Variants in CHIC2 observed in about 807,000 individuals in gnomAD.
CHIC2 encodes the protein cysteine-rich hydrophobic domain-containing protein 2.
In CHIC2, 14 loss-of-function variants were observed where a neutral mutation model predicts 25.9. The observed-to-expected ratio is 0.54, with a 90% CI of 0.36 to 0.85. The LOEUF is 0.85. Ranked by LOEUF, CHIC2 falls within the 40% of genes least tolerant of loss-of-function variation. The probability of loss-of-function intolerance (pLI) is 0.01; values close to 1 mark genes in which losing one functional copy is unlikely to be tolerated. For synonymous variants in CHIC2, 70 were observed against 72.0 expected, an observed-to-expected ratio of 0.97 and a Z score of 0.14; for missense variants, 146 against 202.0, an observed-to-expected ratio of 0.72 and a Z score of 1.68.
rs893641582 is a variant in CHIC2, at chr4:54,062,589, C to T, written c.119+1593G>A. Among the ~76,000 whole-genome samples, 3 of 152,286 alleles carry T rather than the reference C, an allele frequency of 2.0e-5. No homozygotes were observed. The South Asian group carries it at 6.2e-4, about 32-fold the overall frequency. On this transcript the variant is annotated intron_variant, in intron 1 of 5. Coordinates refer to ENST00000263921, the MANE Select transcript of CHIC2 (RefSeq NM_012110.4). ...AGCACTTTGCCCACTATTGCATTTT[C>T]CACTTGCCCAACAAAGTGCTTAGCT...
intron 3 of CHIC2, among the ~76,000 whole-genome samples, chr4:54,042,686 G>C (rs1716615827): frequency 1.3e-5 from 2 of 151,750 alleles, no homozygotes; most frequent in South Asian, 2.1e-4. Context: ...CAAACTACAA[G>C]AGCGACAAAA....
At chr4:54,083,178 G>C in the CHIC2 span, among the ~76,000 whole-genome samples, 1 of 151,660 alleles carries the variant, frequency 6.6e-6, no homozygotes, top group Non-Finnish European at 1.5e-5. Context: ...ACCTCACCCA[G>C]CTAATTTTGT....
the CHIC2 span, among the ~76,000 whole-genome samples, chr4:54,085,697 T>C: frequency 6.6e-6 from 1 of 152,202 alleles, no homozygotes; most frequent in Non-Finnish European, 1.5e-5. Context: ...AGCTGTGATG[T>C]GAGCAGCTAA....
intron 3 of CHIC2, among the ~76,000 whole-genome samples, chr4:54,045,326 G>C (rs1044594908): frequency 3.1e-4 from 47 of 152,106 alleles, no homozygotes; most frequent in Non-Finnish European, 7.4e-5. Context: ...TGATACCAAA[G>C]CCGGGCAGAG....
At chr4:54,083,018 CTTTTTTTTT>C in the CHIC2 span, among the ~76,000 whole-genome samples, 4 of 67,916 alleles carry the variant, frequency 5.9e-5, no homozygotes, top group African/African-American at 1.9e-4. Flanking sequence ...TTCTTTCTTT[CTTTTTTTTT>C]TTTTTTTTTT....
rs200366473 is a variant in CHIC2, at chr4:54,032,643, AATTAC to A, written c.330+16307_330+16311del. ...AAAAATCCTGAAAATTTATATACCTAATTACAGAGTGCCAAAATACATACAGCATA... is the reference window on the plus strand; with the variant it reads ...AAAAATCCTGAAAATTTATATACCTAAGAGTGCCAAAATACATACAGCATA... On this transcript the variant is annotated intron_variant, in intron 3 of 5. Transcript: ENST00000263921. Among the ~76,000 whole-genome samples the A allele has an allele frequency of 8.6e-3, 1,314 of 152,318 alleles. 12 individuals are homozygous for A. The highest frequency in any genetic ancestry group is 0.029 in the African/African-American group (1,225 of 41,570).
At chr4:54,069,427 G>A (rs575605034), upstream of CHIC2, among the ~76,000 whole-genome samples, 44 of 152,348 alleles carry the variant, frequency 2.9e-4, no homozygotes, top group South Asian at 5.4e-3. Context: ...CTGTCCCCGC[G>A]GAGTCGGGGT....
At chr4:54,048,759 A>G (rs956900505) in intron 3 of CHIC2, 196 bp downstream of exon 3, 7 of 422,586 alleles carry the variant, frequency 1.7e-5, no homozygotes, top group African/African-American at 1.4e-4. Context: ...TTATAAATAT[A>G]ATTTTTAGAT....
chr4:54,037,887 CA>C (rs1411085375), intron 3 of CHIC2, among the ~76,000 whole-genome samples: 1 of 151,766 alleles, frequency 6.6e-6, no homozygotes, highest in African/African-American at 2.4e-5. Flanking sequence ...AGGATATAGT[CA>C]AAACAGTGCT....
At chr4:54,059,015 A>T (rs1487297840) in intron 1 of CHIC2, among the ~76,000 whole-genome samples, 8 of 152,194 alleles carry the variant, frequency 5.3e-5, no homozygotes, top group African/African-American at 1.9e-4. Context: ...ACCAAATGTC[A>T]TATAAATTCT....
At chr4:54,042,795 T>C (rs1486532931) in intron 3 of CHIC2, among the ~76,000 whole-genome samples, 1 of 152,138 alleles carries the variant, frequency 6.6e-6, no homozygotes, top group East Asian at 1.9e-4. Context: ...AAAAGGAATA[T>C]TAGAAATATT....
At chr4:54,069,200 A>G (rs555808269), upstream of CHIC2, among the ~76,000 whole-genome samples, 9 of 152,128 alleles carry the variant, frequency 5.9e-5, no homozygotes, top group Admixed American at 2.6e-4. Context: ...GCTAATTTTT[A>G]TATTTTTTGT....
the CHIC2 span, among the ~76,000 whole-genome samples, chr4:54,083,734 C>CT: frequency 6.6e-6 from 1 of 152,208 alleles, no homozygotes; most frequent in Non-Finnish European, 1.5e-5. Flanking sequence ...GTACTGGACA[C>CT]TAACTGTCTC....
At chr4:54,082,510 CCA>C in the CHIC2 span, among the ~76,000 whole-genome samples, 1 of 152,084 alleles carries the variant, frequency 6.6e-6, no homozygotes, top group African/African-American at 2.4e-5. Flanking sequence ...TCTGAACCCT[CCA>C]TCAGGATTTC....
At chr4:54,017,219 T>C (rs1343918925) in intron 3 of CHIC2, among the ~76,000 whole-genome samples, 8 of 152,164 alleles carry the variant, frequency 5.3e-5, no homozygotes, top group Non-Finnish European at 1.0e-4. Context: ...TCTAATCATA[T>C]AACAACCTGT....
At chr4:54,030,573 CAT>C (rs1716198641) in intron 3 of CHIC2, among the ~76,000 whole-genome samples, 1 of 145,232 alleles carries the variant, frequency 6.9e-6, no homozygotes, top group Admixed American at 6.9e-5. Context: ...CACACACACA[CAT>C]ATACAATATA....
chr4:54,071,029 G>A, the CHIC2 span, among the ~76,000 whole-genome samples: 1 of 152,174 alleles, frequency 6.6e-6, no homozygotes, highest in Non-Finnish European at 1.5e-5. Context: ...ATTGATGTAT[G>A]TGCAATACAA....
the CHIC2 span, among the ~76,000 whole-genome samples, chr4:54,073,242 G>T: frequency 6.6e-6 from 1 of 152,076 alleles, no homozygotes. Flanking sequence ...AACATTTGGG[G>T]CTCTGACTAG....
Position 54,022,939 on chromosome 4 carries a change from G to A in CHIC2, c.331-8820C>T, listed in dbSNP as rs151320180. Among the ~76,000 whole-genome samples the A allele has an allele frequency of 7.6e-3, 1,158 of 152,154 alleles. 5 individuals carry two copies. Among genetic ancestry groups the A allele is most frequent in the Middle Eastern group, 0.014 (4 of 294 alleles). On this transcript the variant is annotated intron_variant, in intron 3 of 5. Transcript: ENST00000263921. ...TGACAAGTCTTATAGGTTAGTTCAG[G>A]ATCTGTGCCTTAGCAACCAAATTGT...
Sources: allele counts gnomAD v4.1 joint callset (sites outside exome capture counted in the v4.1 genomes callset), GRCh38; gene constraint gnomAD v4.1.1; transcripts MANE v1.5; gene names NCBI Gene and HGNC (gene_info 2026-07-23, HGNC 2026-07-21).